The following SLIT2 variants were observed in gnomAD, a reference collection of about 807,000 sequenced individuals.
SLIT2 encodes slit homolog 2 protein.
A neutral mutation model predicts 185.7 loss-of-function variants in SLIT2; 41 were observed. That is an observed-to-expected ratio of 0.22 (90% CI 0.17 to 0.29). The LOEUF (loss-of-function observed/expected upper bound fraction) is 0.29, where lower values mean the gene tolerates loss of function less well. Among genes scored for constraint, SLIT2 ranks in the 10% least tolerant of loss-of-function variants. SLIT2 has a pLI of 1.00. For synonymous variants in SLIT2, 693 were observed against 680.2 expected (o/e 1.02, Z -0.29); for missense variants, 1,571 against 1,909.0 (o/e 0.82, Z 3.30).
intron 4 of SLIT2, among the ~76,000 whole-genome samples, chr4:20,388,939 CACAT>C (rs1481021965): frequency 2.1e-5 from 3 of 144,194 alleles, no homozygotes; most frequent in East Asian, 2.0e-4. Flanking sequence ...AATATATACA[CACAT>C]ACATGTATAT....
intron 4 of SLIT2, among the ~76,000 whole-genome samples, chr4:20,416,890 C>G (rs897236840): frequency 1.3e-5 from 2 of 152,014 alleles, no homozygotes; most frequent in Non-Finnish European, 2.9e-5. Context: ...TTAAGTGTAT[C>G]TGACTTGCCT....
chr4:20,507,319 T>C (rs1415869066), intron 9 of SLIT2, among the ~76,000 whole-genome samples: 1 of 151,962 alleles, frequency 6.6e-6, no homozygotes, highest in Non-Finnish European at 1.5e-5. Context: ...TGAGTGTCAT[T>C]AGAAAAATTA....
chr4:20,591,324 G>A (rs938005375), intron 30 of SLIT2, among the ~76,000 whole-genome samples: 4 of 152,036 alleles, frequency 2.6e-5, no homozygotes, highest in Non-Finnish European at 4.4e-5. Flanking sequence ...ATTTTAAGTC[G>A]GGTGGGAGAG....
intron 4 of SLIT2, among the ~76,000 whole-genome samples, chr4:20,338,300 A>G (rs910163782): frequency 3.3e-5 from 5 of 152,164 alleles, no homozygotes; most frequent in Non-Finnish European, 5.9e-5. Flanking sequence ...TGTCAGTTTT[A>G]TTCCATAGGT....
Position 20,369,294 on chromosome 4 carries a change from A to G in SLIT2, c.396-98458A>G, listed in dbSNP as rs541754110. On this transcript the variant is annotated intron_variant, in intron 4 of 36. Coordinates refer to ENST00000504154, the MANE Select transcript of SLIT2 (RefSeq NM_004787.4). ...TTGCCCACCGAGGTCTGGCCATTAC[A>G]GGGTTGTAATGCTCATACATGCTGT... is the stretch of plus-strand genomic sequence containing the variant. Among the ~76,000 whole-genome samples the G allele has an allele frequency of 3.3e-5, 5 of 152,034 alleles. No homozygotes were observed. In the South Asian group the frequency reaches 1.0e-3, roughly 32 times the overall value.
chr4:20,296,807 A>G (rs1716531353), intron 4 of SLIT2, among the ~76,000 whole-genome samples: 1 of 152,246 alleles, frequency 6.6e-6, no homozygotes, highest in Admixed American at 6.5e-5. Flanking sequence ...AAGCAAGTGC[A>G]GATTTCATCA....
intron 4 of SLIT2, among the ~76,000 whole-genome samples, chr4:20,442,915 A>G (rs1478390789): frequency 2.6e-5 from 4 of 152,214 alleles, no homozygotes; most frequent in Non-Finnish European, 4.4e-5. Flanking sequence ...TAAGTAAAAT[A>G]AATGAAAGAG....
chr4:20,593,287 G>C (rs1463194131), intron 30 of SLIT2, among the ~76,000 whole-genome samples: 1 of 152,068 alleles, frequency 6.6e-6, no homozygotes, highest in African/African-American at 2.4e-5. Context: ...AATTATATAC[G>C]TGTTAAAGAT....
At chr4:20,607,690 TTGA>T (rs1214103570) in intron 33 of SLIT2, among the ~76,000 whole-genome samples, 1 of 152,164 alleles carries the variant, frequency 6.6e-6, no homozygotes, top group Non-Finnish European at 1.5e-5. Context: ...AACACCATCA[TTGA>T]TGATGACATG....
At chr4:20,409,734 T>C (rs1448222046) in intron 4 of SLIT2, among the ~76,000 whole-genome samples, 1 of 152,178 alleles carries the variant, frequency 6.6e-6, no homozygotes, top group Non-Finnish European at 1.5e-5. Context: ...CCAGCACCTG[T>C]GTTTTTTAAC....
intron 20 of SLIT2, 86 bp downstream of exon 20, chr4:20,541,705 A>G: frequency 8.6e-7 from 1 of 1,157,986 alleles, no homozygotes; most frequent in African/African-American, 1.5e-5. Flanking sequence ...AGCATAGTTC[A>G]GCTCAGCAAA....
In SLIT2 at chr4:20,617,532, G is replaced by A. The variant is rs2148991275; in HGVS notation, c.4230G>A (p.Glu1410=). The A allele has an allele frequency of 6.2e-7, 1 of 1,614,010 alleles. No homozygotes were observed. The highest frequency in any genetic ancestry group is 1.3e-5 in the African/African-American group (1 of 75,042). ...GHGGVLCDEE[E]DLFNPCQAIK... ...GAGGTGTCCTCTGTGATGAAGAGGA[G>A]GATCTGTTTAACCCATGCCAGGCGA... Residue 1410 remains glutamate (E), a synonymous_variant, in exon 36 of 37, where the codon GAG becomes GAA. Coordinates refer to ENST00000504154, the MANE Select transcript of SLIT2 (RefSeq NM_004787.4).
chr4:20,596,668 T>C lies in SLIT2; in HGVS notation c.3561+13T>C. Reference sequence around the variant, plus strand: ...CATAACACTTCAGGTAAGAGATCTCTCTCTATGGAGAGATGATCGGATCTT... The same window carrying C: ...CATAACACTTCAGGTAAGAGATCTCCCTCTATGGAGAGATGATCGGATCTT... On this transcript the variant is annotated intron_variant, in intron 32 of 36. Coordinates refer to ENST00000504154, the MANE Select transcript of SLIT2 (RefSeq NM_004787.4). The C allele has an allele frequency of 6.2e-7, 1 of 1,608,108 alleles. No homozygotes were observed. Among genetic ancestry groups the C allele is most frequent in the Non-Finnish European group, 8.5e-7 (1 of 1,178,794 alleles).
intron 4 of SLIT2, among the ~76,000 whole-genome samples, chr4:20,348,404 A>T (rs376574799): frequency 6.7e-6 from 1 of 148,554 alleles, no homozygotes; most frequent in African/African-American, 2.5e-5. Flanking sequence ...ATGCCTGGCT[A>T]TTTTTTTTTT....
At chr4:20,389,332 T>C (rs944405329) in intron 4 of SLIT2, among the ~76,000 whole-genome samples, 13 of 152,148 alleles carry the variant, frequency 8.5e-5, no homozygotes, top group African/African-American at 3.1e-4. Context: ...CTAAATATTA[T>C]TATGAAAATA....
intron 4 of SLIT2, among the ~76,000 whole-genome samples, chr4:20,372,218 T>C (rs1723644491): frequency 6.6e-6 from 1 of 152,128 alleles, no homozygotes; most frequent in East Asian, 1.9e-4. Context: ...TCTATTTCCA[T>C]TTCACAGGTG....
intron 5 of SLIT2, among the ~76,000 whole-genome samples, chr4:20,472,490 A>C (rs375854377): frequency 4.2e-4 from 8 of 19,156 alleles, no homozygotes; most frequent in South Asian, 5.3e-3. Flanking sequence ...ATATCTATAT[A>C]TAGATATATA....
chr4:20,485,157 T>C (rs566383149), intron 6 of SLIT2, among the ~76,000 whole-genome samples: 4 of 152,272 alleles, frequency 2.6e-5, no homozygotes, highest in East Asian at 3.9e-4. Flanking sequence ...TACACTTTAC[T>C]TGTATACCCC....
intron 4 of SLIT2, among the ~76,000 whole-genome samples, chr4:20,365,122 G>C (rs538769517): frequency 5.3e-5 from 8 of 152,108 alleles, no homozygotes; most frequent in Non-Finnish European, 8.8e-5. Context: ...CAAAGTTTCA[G>C]TGCAGGTCCC....
Sources: allele counts gnomAD v4.1 joint callset (sites outside exome capture counted in the v4.1 genomes callset), GRCh38; gene constraint gnomAD v4.1.1; transcripts MANE v1.5; gene names NCBI Gene and HGNC (gene_info 2026-07-23, HGNC 2026-07-21).